JPT2: variants seen among roughly 807,000 people sequenced by gnomAD.
JPT2 encodes Jupiter microtubule associated homolog 2.
Under a neutral mutation model 15.9 loss-of-function variants are expected in JPT2, and 9 were observed. That is an observed-to-expected ratio of 0.57 (90% CI 0.34 to 0.99). JPT2 has a LOEUF of 0.99. JPT2 is among the 50% of genes least tolerant of loss of function. The pLI is 0.02. For missense variants in JPT2, 267 were observed against 252.1 expected (o/e 1.06, Z -0.40); for synonymous variants, 95 against 91.7 (o/e 1.04, Z -0.21).
intron 2 of JPT2, chr16:1,686,217 A>C (rs901376713): frequency 4.6e-5 from 7 of 152,228 alleles, no homozygotes; most frequent in African/African-American, 1.2e-4. Flanking sequence ...CTAAAAAAGA[A>C]AAAAAATTAG....
chr16:1,678,501 C>T (rs938626409), intron 1 of JPT2, 145 bp downstream of exon 1: 2 of 819,406 alleles, frequency 2.4e-6, no homozygotes, highest in Middle Eastern at 4.3e-4. Flanking sequence ...GGCCGCCGCC[C>T]GCCTTTCTGC....
chr16:1,680,156 G>A (rs1040665656), intron 1 of JPT2, among the ~76,000 whole-genome samples: 1 of 152,216 alleles, frequency 6.6e-6, no homozygotes, highest in Non-Finnish European at 1.5e-5. Context: ...AGCGAATCCG[G>A]TTTCTGGTTC....
At position 1,698,776 on chromosome 16, in the gene JPT2, C is replaced by G. The variant is rs1196237058; in HGVS notation, c.386-35C>G. 1.3e-6 allele frequency: 2 copies of G among 1,585,930 alleles called. No individual in the cohort carries two copies. The highest frequency in any genetic ancestry group is 2.7e-5 in the African/African-American group (2 of 73,734). ...TGCCTGTCAGGGTCATGGGTTGCCTCTAATGGGATGTTGTTCTAACTTTGT... is the reference window on the plus strand; with the variant it reads ...TGCCTGTCAGGGTCATGGGTTGCCTGTAATGGGATGTTGTTCTAACTTTGT... On this transcript the variant is annotated intron_variant, in intron 4 of 4. Transcript: ENST00000248098. This position sits in a 1 kb window ranked among gnomAD's most constrained non-coding sequence, Gnocchi z 4.9.
At chr16:1,687,869 G>C (rs1041949467) in intron 2 of JPT2, among the ~76,000 whole-genome samples, 1 of 152,192 alleles carries the variant, frequency 6.6e-6, no homozygotes, top group Admixed American at 6.5e-5. Context: ...TCTACACTTA[G>C]TCACACAGAC....
intron 1 of JPT2, chr16:1,680,341 T>C (rs975492775): frequency 1.0e-5 from 10 of 1,001,096 alleles, no homozygotes; most frequent in Non-Finnish European, 1.1e-5. Flanking sequence ...GTTTTTATAT[T>C]GACTTTCACG....
Position 1,685,469 on chromosome 16 carries a change from C to T in JPT2, c.75C>T (p.Ser25=). The change falls in exon 2 of 5, where the codon AGC becomes AGT. Residue 25 remains serine (S), a synonymous_variant. Transcript: ENST00000248098. ...RAMKPPGGES[S]NLFGSPEEAT... is the part of the protein sequence containing the mutation. ...TGAAGCCCCCAGGAGGAGAATCGAGCAATCTTTTTGGAAGTCCAGAAGAAG... is the reference window on the plus strand; with the variant it reads ...TGAAGCCCCCAGGAGGAGAATCGAGTAATCTTTTTGGAAGTCCAGAAGAAG... The T allele has an allele frequency of 2.5e-6, 4 of 1,614,166 alleles. No individual in the cohort carries two copies. The highest frequency in any genetic ancestry group is 3.4e-6 in the Non-Finnish European group (4 of 1,180,020).
intron 2 of JPT2, 125 bp from the exon 3 acceptor site, chr16:1,691,718 G>A: frequency 8.8e-7 from 1 of 1,138,702 alleles, no homozygotes; most frequent in South Asian, 1.5e-5. Flanking sequence ...TGCCCTGTTG[G>A]CCTGGAGCTC....
chr16:1,695,788 T>C (rs2037137271), intron 3 of JPT2, among the ~76,000 whole-genome samples: 1 of 151,870 alleles, frequency 6.6e-6, no homozygotes, highest in Non-Finnish European at 1.5e-5. Context: ...GGAGGATCAC[T>C]TGAGCCCAGG....
intron 1 of JPT2, among the ~76,000 whole-genome samples, chr16:1,681,668 C>G (rs1039061248): frequency 2.0e-5 from 3 of 152,236 alleles, no homozygotes; most frequent in Non-Finnish European, 4.4e-5. Flanking sequence ...CCTGTTTAAA[C>G]TTGAAGCTCC....
chr16:1,678,786 G>A (rs1431863169), intron 1 of JPT2, among the ~76,000 whole-genome samples: 1 of 151,938 alleles, frequency 6.6e-6, no homozygotes, highest in African/African-American at 2.4e-5. Context: ...TGTCCCTAAG[G>A]GGTGTGCGGC....
chr16:1,691,829 G>C lies in JPT2; in HGVS notation c.194-14G>C. On this transcript the variant is annotated splice_polypyrimidine_tract_variant and intron_variant, in intron 2 of 4. Transcript: ENST00000248098. ...GACGTCTGGTTGCTCAGTGTTCTGT[G>C]ATCGTTTCTGCAGGGGGTAAAGGAA... The C allele has an allele frequency of 3.1e-6, 5 of 1,611,238 alleles. No individual in the cohort carries two copies. Among genetic ancestry groups the C allele is most frequent in the Non-Finnish European group, 4.2e-6 (5 of 1,178,916 alleles).
At position 1,683,407 on chromosome 16, in the gene JPT2, G is replaced by A. The variant is rs573990113; in HGVS notation, c.45-2032G>A. On this transcript the variant is annotated intron_variant, in intron 1 of 4. Transcript: ENST00000248098. ...ATTACAGGTGCCAGGTACTGCTCCC[G>A]GACAGCCCTTTCTCATTTAAGCTTG... 17 of 739,780 alleles carry A rather than the reference G, an allele frequency of 2.3e-5. No homozygotes were observed. The Admixed American group carries it at 2.5e-4, about 11-fold the overall frequency. The allele number at this position is 739,780 out of a possible 1,614,324, so 45.8% of individuals were successfully genotyped here.
chr16:1,695,235 G>A (rs1008959772), intron 3 of JPT2, among the ~76,000 whole-genome samples: 3 of 152,070 alleles, frequency 2.0e-5, no homozygotes, highest in Middle Eastern at 3.4e-3. Context: ...GAGAAACCCC[G>A]TCTCTACTAA....
intron 1 of JPT2, chr16:1,680,363 AGCT>A: frequency 9.8e-7 from 1 of 1,015,774 alleles, no homozygotes. Context: ...TCCAGAAGTT[AGCT>A]GCACAGGGCC....
rs2037165736 is a variant in JPT2, at chr16:1,699,300, G to A, written c.*302G>A. The A allele has an allele frequency of 3.5e-6, 2 of 576,730 alleles. No individual in the cohort carries two copies. Among genetic ancestry groups the A allele is most frequent in the Non-Finnish European group, 6.6e-6 (2 of 304,790 alleles). The allele number at this position is 576,730 out of a possible 1,614,324, so 35.7% of individuals were successfully genotyped here. ...GAGGTGGGGCAGGGCATGGTCCTTG[G>A]ATCAACAGCCCGCCAGCTGATTGGA... On this transcript the variant is annotated 3_prime_UTR_variant, in exon 5 of 5. Coordinates refer to ENST00000248098, the MANE Select transcript of JPT2 (RefSeq NM_144570.3).
intron 1 of JPT2, among the ~76,000 whole-genome samples, chr16:1,684,865 C>T (rs78904560): frequency 1.3e-5 from 2 of 149,564 alleles, no homozygotes; most frequent in African/African-American, 4.9e-5. Flanking sequence ...GAGCTGAGAT[C>T]GTGCCACTGC....
chr16:1,693,354 C>G (rs1034773802), intron 3 of JPT2, among the ~76,000 whole-genome samples: 1 of 152,166 alleles, frequency 6.6e-6, no homozygotes, highest in Non-Finnish European at 1.5e-5. Flanking sequence ...GCTTCAGCCT[C>G]CCAAAGTGCT....
chr16:1,698,932 G>A lies in JPT2; in HGVS notation c.507G>A (p.Pro169=), dbSNP rs763347827. 41 of 1,614,056 alleles carry A rather than the reference G, an allele frequency of 2.5e-5. No individual in the cohort carries two copies. The highest frequency in any genetic ancestry group is 6.7e-5 in the Admixed American group (4 of 59,998). Residue 169 remains proline (P), a synonymous_variant, in exon 5 of 5, where the codon CCG becomes CCA. Transcript: ENST00000248098. The surrounding 1 kb of genome is among the most constrained non-coding windows in gnomAD (Gnocchi z 4.9). The stretch of plus-strand genomic sequence containing the variant: ...ACAGCCATGAGCCCCGGCTGGGGCC[G>A]CGGCCTCGCTCTCACAACAAGGTCC... ...TVDSHEPRLG[P]RPRSHNKVLN...
In JPT2 at chr16:1,694,886, A is replaced by G. The variant is rs568729640; in HGVS notation, c.336+2901A>G. 2.6e-5 allele frequency among the ~76,000 whole-genome samples: 4 copies of G among 152,374 alleles called. No individual in the cohort carries two copies. In the South Asian group the frequency reaches 6.2e-4, roughly 24 times the overall value. On this transcript the variant is annotated intron_variant, in intron 3 of 4. Coordinates refer to ENST00000248098, the MANE Select transcript of JPT2 (RefSeq NM_144570.3). Reference sequence around the variant, plus strand: ...GCAAAAACTATAAAATTCTTAGAAGAAAATATAGGGACAAATCTTCATGAC... The same window carrying G: ...GCAAAAACTATAAAATTCTTAGAAGGAAATATAGGGACAAATCTTCATGAC...
Sources: gnomAD v4.1 joint callset for allele counts (sites outside exome capture counted in the v4.1 genomes callset) on GRCh38, gnomAD v4.1.1 for gene constraint, Gnocchi (gnomAD v3.1) non-coding constraint, MANE v1.5 for transcripts, NCBI Gene and HGNC (gene_info 2026-07-23, HGNC 2026-07-21) for gene names.